FHIT: variants seen among roughly 807,000 people sequenced by gnomAD.
FHIT encodes the protein fragile histidine triad diadenosine triphosphatase, also known as bis(5'-adenosyl)-triphosphatase.
In FHIT, 19 loss-of-function variants were observed where a neutral mutation model predicts 17.9. That is an observed-to-expected ratio of 1.06 (90% CI 0.74 to 1.56). The LOEUF (loss-of-function observed/expected upper bound fraction) is 1.56. FHIT is among the 40% of genes most tolerant of loss of function. The pLI, the probability that FHIT is intolerant of heterozygous loss-of-function variation, is 0.00. For missense variants in FHIT, 248 were observed against 189.2 expected (o/e 1.31, Z -1.82); for synonymous variants, 81 against 69.7 (o/e 1.16, Z -0.81).
chr3:60,806,945 C>G lies in FHIT; in HGVS notation c.-18+14974G>C, dbSNP rs552525005. On this transcript the variant is annotated intron_variant, in intron 4 of 9. Coordinates refer to ENST00000492590, the MANE Select transcript of FHIT (RefSeq NM_002012.4). ...TTCATTTTTAATTTAAAGCTTCTAGCCAGTTGACCCAGAAACATCCCACAC... is the reference window on the plus strand; with the variant it reads ...TTCATTTTTAATTTAAAGCTTCTAGGCAGTTGACCCAGAAACATCCCACAC... Among the ~76,000 whole-genome samples, 3 of 152,232 alleles carry G rather than the reference C, an allele frequency of 2.0e-5. No individual in the cohort carries two copies. The East Asian group carries it at 5.8e-4, about 29-fold the overall frequency.
chr3:60,169,712 C>T (rs1162505671), intron 5 of FHIT, among the ~76,000 whole-genome samples: 3 of 152,134 alleles, frequency 2.0e-5, no homozygotes, highest in Non-Finnish European at 4.4e-5. Context: ...GACAAAAAGT[C>T]CCCTGGAGAA....
intron 3 of FHIT, among the ~76,000 whole-genome samples, chr3:60,842,641 ATATATTTTTT>A (rs1702773792): frequency 1.1e-4 from 5 of 47,190 alleles, no homozygotes; most frequent in South Asian, 1.3e-3. Flanking sequence ...ATATATATAT[ATATATTTTTT>A]TTTTTTTTTT....
At chr3:60,260,633 G>A (rs1041742546) in intron 5 of FHIT, among the ~76,000 whole-genome samples, 17 of 151,946 alleles carry the variant, frequency 1.1e-4, no homozygotes, top group Non-Finnish European at 2.2e-4. Flanking sequence ...AGAGGTGTTT[G>A]AACCAGAGCA....
At chr3:60,139,820 T>TAAAA (rs10680391) in intron 5 of FHIT, among the ~76,000 whole-genome samples, 3 of 147,844 alleles carry the variant, frequency 2.0e-5, no homozygotes, top group South Asian at 2.1e-4. Context: ...CTTTCATTAT[T>TAAAA]AAAAAAAAAA....
At chr3:61,135,201 A>T (rs1260020663) in intron 2 of FHIT, among the ~76,000 whole-genome samples, 1 of 152,250 alleles carries the variant, frequency 6.6e-6, no homozygotes, top group Non-Finnish European at 1.5e-5. Flanking sequence ...AAAAAAAAGA[A>T]TGCTAAGAGA....
At chr3:60,144,361 T>A (rs928817840) in intron 5 of FHIT, among the ~76,000 whole-genome samples, 18 of 152,190 alleles carry the variant, frequency 1.2e-4, no homozygotes, top group African/African-American at 4.1e-4. Flanking sequence ...TGAACACTCA[T>A]AATAACCCAA....
At chr3:60,279,862 T>A (rs772937809) in intron 5 of FHIT, among the ~76,000 whole-genome samples, 1 of 151,782 alleles carries the variant, frequency 6.6e-6, no homozygotes, top group African/African-American at 2.4e-5. Context: ...AAACCCCGTC[T>A]CTACTAAAAA....
chr3:59,818,417 T>C (rs373289418), intron 8 of FHIT, among the ~76,000 whole-genome samples: 290 of 152,230 alleles, frequency 1.9e-3, no homozygotes, highest in African/African-American at 6.5e-3. Context: ...CAGAGACTGC[T>C]AGAAACACCA....
intron 5 of FHIT, among the ~76,000 whole-genome samples, chr3:60,437,242 C>T (rs747995701): frequency 3.9e-5 from 6 of 151,932 alleles, no homozygotes; most frequent in Non-Finnish European, 8.8e-5. Flanking sequence ...TGGAGCCAGG[C>T]AAGGATTTTT....
intron 5 of FHIT, among the ~76,000 whole-genome samples, chr3:60,234,442 C>T (rs565844282): frequency 2.0e-5 from 3 of 152,164 alleles, no homozygotes; most frequent in Non-Finnish European, 2.9e-5. Context: ...TGCACATACA[C>T]ATATAGTCTT....
At chr3:59,954,303 A>T (rs552935940) in intron 7 of FHIT, among the ~76,000 whole-genome samples, 1 of 148,930 alleles carries the variant, frequency 6.7e-6, no homozygotes, top group South Asian at 2.1e-4. Context: ...TTGGGTCTGA[A>T]GATCCCAGGC....
intron 8 of FHIT, among the ~76,000 whole-genome samples, chr3:59,814,371 A>G (rs1700520973): frequency 6.6e-6 from 1 of 152,218 alleles, no homozygotes; most frequent in African/African-American, 2.4e-5. Flanking sequence ...AGGTGAGTGA[A>G]AGACAGGTTT....
At chr3:59,913,227 G>C (rs1239397662) in intron 8 of FHIT, among the ~76,000 whole-genome samples, 1 of 152,052 alleles carries the variant, frequency 6.6e-6, no homozygotes, top group Non-Finnish European at 1.5e-5. Flanking sequence ...GTGTGTAAAT[G>C]TCTCTAAGGT....
chr3:61,047,214 T>G (rs550118008), intron 2 of FHIT, among the ~76,000 whole-genome samples: 16 of 152,310 alleles, frequency 1.1e-4, no homozygotes, highest in African/African-American at 3.6e-4. Context: ...GATGACATGA[T>G]TGTATATTTA....
intron 5 of FHIT, among the ~76,000 whole-genome samples, chr3:60,253,215 T>C (rs758800295): frequency 2.0e-5 from 3 of 152,150 alleles, no homozygotes; most frequent in Admixed American, 6.5e-5. Context: ...TTAATACATT[T>C]TTACTTACAA....
chr3:60,296,812 TTGAA>T (rs1708232648), intron 5 of FHIT, among the ~76,000 whole-genome samples: 2 of 152,020 alleles, frequency 1.3e-5, no homozygotes, highest in Non-Finnish European at 2.9e-5. Context: ...ATGAGACATT[TTGAA>T]TGAATTTTGT....
chr3:60,512,379 C>G (rs553935564), intron 5 of FHIT, among the ~76,000 whole-genome samples: 43 of 152,302 alleles, frequency 2.8e-4, no homozygotes, highest in African/African-American at 9.6e-4. Flanking sequence ...CCACTCCTCA[C>G]CTGAATCAAC....
intron 5 of FHIT, among the ~76,000 whole-genome samples, chr3:60,473,444 A>G (rs1408446555): frequency 6.6e-6 from 1 of 152,188 alleles, no homozygotes; most frequent in Non-Finnish European, 1.5e-5. Context: ...TGTGAGAGAC[A>G]TTATCAAGAG....
At chr3:60,418,769 T>G (rs1275231090) in intron 5 of FHIT, among the ~76,000 whole-genome samples, 1 of 151,720 alleles carries the variant, frequency 6.6e-6, no homozygotes, top group Non-Finnish European at 1.5e-5. Context: ...AAAAATATAT[T>G]GAATGTCTAC....
Sources: gnomAD v4.1 joint callset for allele counts (sites outside exome capture counted in the v4.1 genomes callset) on GRCh38, gnomAD v4.1.1 for gene constraint, MANE v1.5 for transcripts, NCBI Gene and HGNC (gene_info 2026-07-23, HGNC 2026-07-21) for gene names.